The following IL1RAPL2 variants were observed in gnomAD, a reference collection of about 807,000 sequenced individuals.
IL1RAPL2 encodes the protein interleukin 1 receptor accessory protein like 2, also known as X-linked interleukin-1 receptor accessory protein-like 2.
A neutral mutation model predicts 44.1 loss-of-function variants in IL1RAPL2; 3 were observed. The ratio of observed to expected loss-of-function variants is 0.07; its 90% confidence interval spans 0.03 to 0.18. IL1RAPL2 has a LOEUF of 0.18. Among genes scored for constraint, IL1RAPL2 ranks in the 10% least tolerant of loss-of-function variants. The pLI is 1.00. For missense variants in IL1RAPL2, 391 were observed against 496.4 expected (o/e 0.79, Z 2.02); for synonymous variants, 181 against 178.8 (o/e 1.01, Z -0.10).
At chrX:105,183,227 T>C (rs182460718) in intron 2 of IL1RAPL2, among the ~76,000 whole-genome samples, 90 of 110,812 alleles carry the variant, frequency 8.1e-4, no homozygotes, top group African/African-American at 2.9e-3. Context: ...TGCTGTAGGA[T>C]GGGCGGTGGG....
rs185334717 is a variant in IL1RAPL2, at chrX:105,341,707, G to A, written c.697+74166G>A. Among the ~76,000 whole-genome samples, 84 of 111,567 alleles carry A rather than the reference G, an allele frequency of 7.5e-4. 1 individual carries two copies. Among genetic ancestry groups the A allele is most frequent in the Middle Eastern group, 4.7e-3 (1 of 215 alleles). On this transcript the variant is annotated intron_variant, in intron 5 of 10. Transcript: ENST00000372582. Reference sequence around the variant, plus strand: ...AGCACTTTGGGAGGCCGAGGCAGGCGGATCACGAGGTCAGGAGATCGAGAC... The same window carrying A: ...AGCACTTTGGGAGGCCGAGGCAGGCAGATCACGAGGTCAGGAGATCGAGAC...
intron 6 of IL1RAPL2, among the ~76,000 whole-genome samples, chrX:105,702,993 T>C (rs2038132669): frequency 9.0e-6 from 1 of 111,645 alleles, no homozygotes; most frequent in African/African-American, 3.2e-5. Context: ...GTATAGCACA[T>C]CTATAAAAAA....
chrX:104,634,797 A>G (rs952010114), intron 1 of IL1RAPL2, among the ~76,000 whole-genome samples: 2 of 111,725 alleles, frequency 1.8e-5, no homozygotes, highest in Admixed American at 9.5e-5. Flanking sequence ...ACTCTATCCA[A>G]TTTGCCAGTC....
chrX:104,916,551 A>G (rs762930830), intron 2 of IL1RAPL2, among the ~76,000 whole-genome samples: 8 of 111,206 alleles, frequency 7.2e-5, no homozygotes, highest in Non-Finnish European at 1.1e-4. Flanking sequence ...CTAATTGAAT[A>G]CCCTTTATTT....
chrX:104,995,764 C>A (rs1184893488), intron 2 of IL1RAPL2, among the ~76,000 whole-genome samples: 1 of 111,918 alleles, frequency 8.9e-6, no homozygotes, highest in Non-Finnish European at 1.9e-5. Context: ...AGAGATCAAT[C>A]CTTCATGTGA....
At chrX:105,015,910 G>A (rs959587043) in intron 2 of IL1RAPL2, among the ~76,000 whole-genome samples, 21 of 111,436 alleles carry the variant, frequency 1.9e-4, no homozygotes, top group Middle Eastern at 4.7e-3. Context: ...GATCAGTATG[G>A]CCATTTTCAT....
intron 5 of IL1RAPL2, among the ~76,000 whole-genome samples, chrX:105,466,557 A>G (rs558435502): frequency 9.0e-6 from 1 of 111,730 alleles, no homozygotes; most frequent in Admixed American, 9.5e-5. Flanking sequence ...TGTCCCTTCA[A>G]GAAAGATGAT....
At chrX:105,734,537 G>A (rs952573897) in intron 7 of IL1RAPL2, among the ~76,000 whole-genome samples, 1 of 111,479 alleles carries the variant, frequency 9.0e-6, no homozygotes, top group Non-Finnish European at 1.9e-5. Context: ...GAATACAGGT[G>A]CACACCATCA....
At chrX:105,448,239 G>C (rs928870878) in intron 5 of IL1RAPL2, among the ~76,000 whole-genome samples, 7 of 109,491 alleles carry the variant, frequency 6.4e-5, no homozygotes, top group African/African-American at 2.3e-4. Context: ...AGTGTGCTGG[G>C]TGTTCTATAA....
intron 4 of IL1RAPL2, among the ~76,000 whole-genome samples, chrX:105,257,609 TG>T (rs1473143105): frequency 8.9e-6 from 1 of 112,398 alleles, no homozygotes; most frequent in African/African-American, 3.2e-5. Context: ...TTTATGAATC[TG>T]GGTTCCCCCG....
At chrX:104,671,538 T>G (rs1281863625) in intron 2 of IL1RAPL2, among the ~76,000 whole-genome samples, 4 of 111,704 alleles carry the variant, frequency 3.6e-5, no homozygotes, top group Non-Finnish European at 7.5e-5. Flanking sequence ...TCTGTGCTCC[T>G]GTAGCATTTT....
intron 8 of IL1RAPL2, among the ~76,000 whole-genome samples, chrX:105,747,480 CTGTG>C (rs1285052173): frequency 1.4e-4 from 10 of 70,094 alleles, no homozygotes; most frequent in Middle Eastern, 7.7e-3. Context: ...CTCTCTCTCT[CTGTG>C]TGTGTGTATG....
intron 2 of IL1RAPL2, among the ~76,000 whole-genome samples, chrX:104,930,782 A>G (rs751542436): frequency 1.8e-5 from 2 of 111,920 alleles, no homozygotes; most frequent in Non-Finnish European, 3.8e-5. Flanking sequence ...TATTGCATTC[A>G]TTAACTTATT....
intron 1 of IL1RAPL2, among the ~76,000 whole-genome samples, chrX:104,567,858 C>T (rs1490104210): frequency 8.9e-6 from 1 of 112,357 alleles, no homozygotes; most frequent in Non-Finnish European, 1.9e-5. Context: ...AAGAAAAATG[C>T]TTTGGCAAGG....
intron 5 of IL1RAPL2, among the ~76,000 whole-genome samples, chrX:105,433,414 A>G (rs1042480045): frequency 1.8e-5 from 2 of 111,427 alleles, no homozygotes; most frequent in African/African-American, 6.5e-5. Flanking sequence ...ATTGGGTGAG[A>G]TGAATATAAG....
chrX:105,056,319 T>C (rs958873704), intron 2 of IL1RAPL2, among the ~76,000 whole-genome samples: 2 of 111,920 alleles, frequency 1.8e-5, no homozygotes, highest in Admixed American at 9.5e-5. Flanking sequence ...TCCATTTCAA[T>C]GCACCTCTGA....
intron 5 of IL1RAPL2, among the ~76,000 whole-genome samples, chrX:105,459,890 C>T (rs1402556729): frequency 1.8e-5 from 2 of 111,373 alleles, no homozygotes; most frequent in Non-Finnish European, 3.8e-5. Context: ...TACATTTCCA[C>T]GGGGAAAAAA....
chrX:104,821,758 C>A (rs865979781), intron 2 of IL1RAPL2, among the ~76,000 whole-genome samples: 3 of 111,638 alleles, frequency 2.7e-5, no homozygotes, highest in Non-Finnish European at 5.6e-5. Flanking sequence ...GGTTATATAC[C>A]CAGTAATGGG....
At chrX:104,831,408 A>T (rs1032268525) in intron 2 of IL1RAPL2, among the ~76,000 whole-genome samples, 1 of 111,789 alleles carries the variant, frequency 8.9e-6, no homozygotes, top group Non-Finnish European at 1.9e-5. Flanking sequence ...TAATCCTTAC[A>T]AACACTGTAT....
Sources: gnomAD v4.1 joint callset for allele counts (sites outside exome capture counted in the v4.1 genomes callset) on GRCh38, gnomAD v4.1.1 for gene constraint, MANE v1.5 for transcripts, NCBI Gene and HGNC (gene_info 2026-07-23, HGNC 2026-07-21) for gene names.